SIPA1L3: variants seen among roughly 807,000 people sequenced by gnomAD.
The protein encoded by SIPA1L3 is signal induced proliferation associated 1 like 3.
In SIPA1L3, 59 loss-of-function variants were observed where a neutral mutation model predicts 150.1. The ratio of observed to expected loss-of-function variants is 0.39; its 90% CI spans 0.32 to 0.49. The LOEUF (loss-of-function observed/expected upper bound fraction) is 0.49, where lower values mean the gene tolerates loss of function less well. SIPA1L3 is among the 20% of genes least tolerant of loss of function. SIPA1L3 has a pLI of 0.86. For missense variants in SIPA1L3, 2,211 were observed against 2,489.5 expected (o/e 0.89, Z 2.38); for synonymous variants, 1,070 against 1,077.6 (o/e 0.99, Z 0.14).
rs193045594 is a variant in SIPA1L3, at chr19:38,018,750, T to C, written c.-378-10339T>C. On this transcript the variant is annotated intron_variant, in intron 1 of 21. Transcript: ENST00000222345. ...TCTGGGCTTAAATTCATTCTGGTTC[T>C]CACCACTGAACTTATATATGTACCT... is the stretch of plus-strand genomic sequence containing the variant. Among the ~76,000 whole-genome samples, 60 of 152,326 alleles carry C rather than the reference T, an allele frequency of 3.9e-4. No homozygotes were observed. The East Asian group carries it at 6.4e-3, about 16-fold the overall frequency.
At position 38,164,084 on chromosome 19, in the gene SIPA1L3, G is replaced by A. The variant is rs1268451237; in HGVS notation, c.3781-395G>A. Among the ~76,000 whole-genome samples, 1 of 152,206 alleles carries A rather than the reference G, an allele frequency of 6.6e-6. No individual in the cohort carries two copies. Among genetic ancestry groups the A allele is most frequent in the Admixed American group, 6.5e-5 (1 of 15,284 alleles). On this transcript the variant is annotated intron_variant, in intron 14 of 21. Coordinates refer to ENST00000222345, the MANE Select transcript of SIPA1L3 (RefSeq NM_015073.3). The surrounding 1 kb of genome is among the most constrained non-coding windows in gnomAD (Gnocchi z 4.1). ...GGGTTTGCTAGTGGGCTGGACATGAGTGAGAGCAAAAGCGGGGTCAAGGTG... is the reference window on the plus strand; with the variant it reads ...GGGTTTGCTAGTGGGCTGGACATGAATGAGAGCAAAAGCGGGGTCAAGGTG...
chr19:38,117,106 G>C (rs1245445035), intron 8 of SIPA1L3, among the ~76,000 whole-genome samples: 1 of 152,196 alleles, frequency 6.6e-6, no homozygotes, highest in Non-Finnish European at 1.5e-5. Context: ...GATGGGTTGA[G>C]AGCCTGGTTA....
At chr19:38,071,478 G>A (rs899257741) in intron 2 of SIPA1L3, among the ~76,000 whole-genome samples, 3 of 152,042 alleles carry the variant, frequency 2.0e-5, no homozygotes, top group South Asian at 2.1e-4. Flanking sequence ...TAGTGGACAC[G>A]GGGTTTTACC....
chr19:38,032,685 C>G (rs931686752), intron 2 of SIPA1L3, among the ~76,000 whole-genome samples: 2 of 151,986 alleles, frequency 1.3e-5, no homozygotes, highest in Non-Finnish European at 2.9e-5. Flanking sequence ...AACCCCGTCT[C>G]TACTAAAAAT....
chr19:38,060,770 C>G (rs537561036), intron 2 of SIPA1L3, among the ~76,000 whole-genome samples: 11 of 152,216 alleles, frequency 7.2e-5, no homozygotes, highest in Non-Finnish European at 1.0e-4. Flanking sequence ...TGGCTCACCA[C>G]AGCCTCTGCC....
At chr19:37,996,660 A>G (rs1459968664) in intron 1 of SIPA1L3, among the ~76,000 whole-genome samples, 1 of 152,020 alleles carries the variant, frequency 6.6e-6, no homozygotes, top group African/African-American at 2.4e-5. Flanking sequence ...TTTGACCAAC[A>G]TCTCCACAAT....
At chr19:38,129,147 T>C (rs1971250703) in intron 9 of SIPA1L3, among the ~76,000 whole-genome samples, 1 of 152,068 alleles carries the variant, frequency 6.6e-6, no homozygotes, top group Non-Finnish European at 1.5e-5. Context: ...CTTAACAGCA[T>C]GCTGGGGGGA....
chr19:37,961,152 A>T (rs1279916401), intron 1 of SIPA1L3, among the ~76,000 whole-genome samples: 1 of 148,542 alleles, frequency 6.7e-6, no homozygotes, highest in Non-Finnish European at 1.5e-5. Flanking sequence ...TACAGGTGTG[A>T]GCCACCGTGC....
rs1221926526 is a variant in SIPA1L3, at chr19:38,082,106, G to A, written c.541G>A (p.Ala181Thr). 3.1e-6 allele frequency: 5 copies of A among 1,608,400 alleles called. No homozygotes were observed. The highest frequency in any genetic ancestry group is 2.2e-5 in the East Asian group (1 of 44,852). ...SSEITLSECD[A>T]EDAGEPRGAR... ...CGAGATCACCCTCAGCGAGTGTGAC[G>A]CGGAGGACGCGGGGGAGCCGCGGGG... Residue 181 changes from alanine (A) to threonine (T), a missense_variant, in exon 3 of 22, where the codon GCG (alanine) becomes ACG (threonine). By Grantham distance (58) the Ala-to-Thr change is moderately conservative. This residue lies in a region of SIPA1L3 where 587 missense variants were observed against 534.5 expected (regional missense o/e 1.10). Transcript: ENST00000222345.
At position 38,046,034 on chromosome 19, in the gene SIPA1L3, G is replaced by GTACC. The variant is rs1439047880; in HGVS notation, c.-311+16879_-311+16882dup. Among the ~76,000 whole-genome samples, 1 of 152,154 alleles carries GTACC rather than the reference G, an allele frequency of 6.6e-6. No individual in the cohort carries two copies. The highest frequency in any genetic ancestry group is 1.5e-5 in the Non-Finnish European group (1 of 68,028). On this transcript the variant is annotated intron_variant, in intron 2 of 21. Coordinates refer to ENST00000222345, the MANE Select transcript of SIPA1L3 (RefSeq NM_015073.3). The surrounding 1 kb of genome is among the most constrained non-coding windows in gnomAD (Gnocchi z 5.6). ...CACTCTTCCTCCCCCAGGACAGTTT[G>GTACC]TACCGCTCCAGGGTCACGTCAGAGA...
intron 8 of SIPA1L3, among the ~76,000 whole-genome samples, chr19:38,115,415 TC>T (rs1970861792): frequency 6.6e-6 from 1 of 152,148 alleles, no homozygotes; most frequent in Non-Finnish European, 1.5e-5. Context: ...AGATCTTCCT[TC>T]CTGAGCACAG....
chr19:38,111,277 C>T (rs917636386), intron 8 of SIPA1L3, among the ~76,000 whole-genome samples: 1 of 152,018 alleles, frequency 6.6e-6, no homozygotes, highest in Admixed American at 6.6e-5. Flanking sequence ...AGTGATCTTC[C>T]AGCCTCAGCC....
intron 1 of SIPA1L3, among the ~76,000 whole-genome samples, chr19:37,968,219 C>T (rs751585632): frequency 3.9e-5 from 6 of 152,094 alleles, no homozygotes; most frequent in Admixed American, 1.3e-4. Flanking sequence ...ATTACAGGCA[C>T]GCGCTGCCAT....
At position 38,082,054 on chromosome 19, in the gene SIPA1L3, C is replaced by T; in HGVS notation, c.489C>T (p.Phe163=). Residue 163 remains phenylalanine, a synonymous_variant, in exon 3 of 22, where the codon TTC becomes TTT. Coordinates refer to ENST00000222345, the MANE Select transcript of SIPA1L3 (RefSeq NM_015073.3). The stretch of plus-strand genomic sequence containing the variant: ...GGCCCCGGTCCCCCGGCAGGGCCTT[C>T]CTCCCCCTTCGGCACCGCAGCAGCA... The part of the protein sequence containing the change: ...DGWPRSPGRA[F]LPLRHRSSSE... The T allele has an allele frequency of 8.1e-6, 13 of 1,613,700 alleles. No individual in the cohort carries two copies. Among genetic ancestry groups the T allele is most frequent in the Non-Finnish European group, 1.1e-5 (13 of 1,179,982 alleles).
chr19:37,913,767 A>G (rs551650466), intron 1 of SIPA1L3, among the ~76,000 whole-genome samples: 1 of 150,740 alleles, frequency 6.6e-6, no homozygotes, highest in Admixed American at 6.6e-5. Flanking sequence ...CTGTGATCAC[A>G]GCACTTTGGG....
At chr19:38,004,177 T>C (rs898125912) in intron 1 of SIPA1L3, among the ~76,000 whole-genome samples, 3 of 152,206 alleles carry the variant, frequency 2.0e-5, no homozygotes, top group African/African-American at 4.8e-5. Flanking sequence ...GTGTATATAA[T>C]TATCCCCATT....
intron 2 of SIPA1L3, among the ~76,000 whole-genome samples, chr19:38,063,387 G>A (rs1160966600): frequency 6.6e-6 from 1 of 152,126 alleles, no homozygotes; most frequent in Non-Finnish European, 1.5e-5. Flanking sequence ...CCATCCTCAG[G>A]TTAGGATAAG....
chr19:37,949,135 C>G (rs929737895), intron 1 of SIPA1L3, among the ~76,000 whole-genome samples: 2 of 152,210 alleles, frequency 1.3e-5, no homozygotes, highest in East Asian at 3.8e-4. Context: ...GCATCAGGAT[C>G]GATAGGCCTG....
intron 1 of SIPA1L3, among the ~76,000 whole-genome samples, chr19:37,912,332 C>T (rs2046383561): frequency 6.6e-6 from 1 of 152,142 alleles, no homozygotes; most frequent in African/African-American, 2.4e-5. Flanking sequence ...TGGGTTCACA[C>T]TGTGACTCTA....
Sources: allele counts gnomAD v4.1 joint callset (sites outside exome capture counted in the v4.1 genomes callset), GRCh38; gene constraint gnomAD v4.1.1; regional missense constraint gnomAD v4.1.1; non-coding constraint Gnocchi (gnomAD v3.1); transcripts MANE v1.5; gene names NCBI Gene and HGNC (gene_info 2026-07-23, HGNC 2026-07-21).